Variants in SUGT1 observed in about 807,000 individuals in gnomAD.
SUGT1 encodes protein SGT1 homolog.
Under a neutral mutation model 56.1 loss-of-function variants are expected in SUGT1, and 15 were observed. The ratio of observed to expected loss-of-function variants is 0.27; its 90% confidence interval spans 0.18 to 0.41. The LOEUF (loss-of-function observed/expected upper bound fraction) is 0.41. SUGT1 is among the 10% of genes least tolerant of loss of function. The pLI, the probability that SUGT1 is intolerant of heterozygous loss-of-function variation, is 1.00. For missense variants in SUGT1, 347 were observed against 382.2 expected (o/e 0.91, Z 0.77); for synonymous variants, 123 against 128.6 (o/e 0.96, Z 0.30).
In SUGT1 at chr13:52,689,747, T is replaced by A. The variant is rs951993078; in HGVS notation, c.*1912T>A. On this transcript the variant is annotated 3_prime_UTR_variant, in exon 13 of 13. Transcript: ENST00000310528. ...ATTTTGGGAGGCGGAGGTGGGCAGATCACCTGAGGTCAGGAGTTCAAGACC... is the reference window on the plus strand; with the variant it reads ...ATTTTGGGAGGCGGAGGTGGGCAGAACACCTGAGGTCAGGAGTTCAAGACC... 2 of 152,206 alleles carry A rather than the reference T, an allele frequency of 1.3e-5. No homozygotes were observed. The highest frequency in any genetic ancestry group is 4.8e-5 in the African/African-American group (2 of 41,428). 9.4% of individuals were successfully genotyped at this position (152,206 alleles called of 1,614,324 possible).
At chr13:52,667,036 A>G in intron 10 of SUGT1, 117 bp downstream of exon 10, 2 of 639,520 alleles carry the variant, frequency 3.1e-6, no homozygotes, top group South Asian at 4.6e-5. Flanking sequence ...TAACAGGGAC[A>G]AGAAAATAAG....
rs1470656814 is a variant in SUGT1 at position 52,657,602 on chromosome 13, T to C, written c.167T>C (p.Ile56Thr). The C allele has an allele frequency of 6.2e-7, 1 of 1,613,542 alleles. No individual in the cohort carries two copies. The highest frequency in any genetic ancestry group is 1.3e-5 in the African/African-American group (1 of 74,912). ...QYYCQRAYCHILLGNYCVAVA... is the reference protein window; with the variant it reads ...QYYCQRAYCHTLLGNYCVAVA... ...TATTGTCAAAGAGCTTATTGTCACATTCTTCTTGGGAATTACTGTGGTAAC... is the reference window on the plus strand; with the variant it reads ...TATTGTCAAAGAGCTTATTGTCACACTCTTCTTGGGAATTACTGTGGTAAC... The change falls in exon 3 of 13, where the codon ATT (isoleucine) becomes ACT (threonine). Residue 56 changes from isoleucine to threonine, a missense_variant. Coordinates refer to ENST00000310528, the MANE Select transcript of SUGT1 (RefSeq NM_006704.5).
intron 10 of SUGT1, among the ~76,000 whole-genome samples, chr13:52,667,927 G>A (rs904690180): frequency 6.6e-6 from 1 of 151,844 alleles, no homozygotes; most frequent in African/African-American, 2.4e-5. Context: ...TATGATAAAT[G>A]AGTTAATGGG....
chr13:52,654,352 A>G lies in SUGT1; in HGVS notation c.96+1249A>G, dbSNP rs575410333. ...CATTTGTTATTGTCGTGTTAGACCT[A>G]GTGCTTCCTTTGGGAATCCAGTTTA... is the stretch of plus-strand genomic sequence containing the variant. On this transcript the variant is annotated intron_variant, in intron 2 of 12. Coordinates refer to ENST00000310528, the MANE Select transcript of SUGT1 (RefSeq NM_006704.5). Among the ~76,000 whole-genome samples the G allele has an allele frequency of 3.9e-4, 59 of 152,342 alleles. No individual in the cohort carries two copies. The South Asian group carries it at 0.012, about 30-fold the overall frequency.
chr13:52,685,260 T>C (rs142912912), intron 12 of SUGT1, among the ~76,000 whole-genome samples: 50 of 1,518 alleles, frequency 0.033, 1 homozygote, highest in Admixed American at 0.21. Flanking sequence ...CTTCTTCTTT[T>C]TTTTTTTTTT....
chr13:52,662,520 C>T (rs1361516136), intron 5 of SUGT1, 129 bp from the exon 6 acceptor site: 13 of 726,596 alleles, frequency 1.8e-5, no homozygotes, highest in Non-Finnish European at 2.8e-5. Flanking sequence ...TCTGTTAAGA[C>T]AGGTTTTGTT....
rs1333566816 is a variant in SUGT1 at position 52,692,070 on chromosome 13, A to G, written c.*4235A>G. On this transcript the variant is annotated 3_prime_UTR_variant, in exon 13 of 13. Transcript: ENST00000310528. ...AATCAGCTAAAATCATATACAATGA[A>G]TGCTGACTCATTACTGCAAATAGTG... 1 of 152,214 alleles carries G rather than the reference A, an allele frequency of 6.6e-6. No individual in the cohort carries two copies. The allele number at this position is 152,214 out of a possible 1,614,324, so 9.4% of individuals were successfully genotyped here.
chr13:52,661,856 A>C (rs1447440772), intron 5 of SUGT1, among the ~76,000 whole-genome samples: 2 of 152,108 alleles, frequency 1.3e-5, no homozygotes, highest in African/African-American at 4.8e-5. Flanking sequence ...GTAAAGTAGA[A>C]ATTTTTGTTA....
At chr13:52,664,722 G>A (rs1409031252) in intron 8 of SUGT1, among the ~76,000 whole-genome samples, 1 of 152,188 alleles carries the variant, frequency 6.6e-6, no homozygotes, top group Non-Finnish European at 1.5e-5. Context: ...TAGTTGTGGG[G>A]AGATACAGGA....
chr13:52,676,298 T>G lies in SUGT1; in HGVS notation c.696T>G (p.Pro232=). The change falls in exon 11 of 13, where the codon CCT becomes CCG. Residue 232 remains proline, a synonymous_variant. Coordinates refer to ENST00000310528, the MANE Select transcript of SUGT1 (RefSeq NM_006704.5). ...AGCTAGAGGGGCAAGGAGATGTGCC[T>G]ACGCCAAAACAATTCGTAGCAGGTT... is the stretch of plus-strand genomic sequence containing the variant. ...WEKLEGQGDV[P]TPKQFVADVK... The G allele has an allele frequency of 6.2e-7, 1 of 1,613,016 alleles. No homozygotes were observed. Among genetic ancestry groups the G allele is most frequent in the South Asian group, 1.1e-5 (1 of 90,826 alleles).
chr13:52,674,726 A>C (rs1013941491), intron 10 of SUGT1, among the ~76,000 whole-genome samples: 2 of 152,222 alleles, frequency 1.3e-5, no homozygotes, highest in Admixed American at 6.5e-5. Flanking sequence ...AAACATGAGA[A>C]TATAAAATTC....
At chr13:52,685,825 C>T (rs1427862035) in intron 12 of SUGT1, among the ~76,000 whole-genome samples, 1 of 152,162 alleles carries the variant, frequency 6.6e-6, no homozygotes, top group Non-Finnish European at 1.5e-5. Flanking sequence ...AATTGCCCTG[C>T]AGTCTATTAG....
chr13:52,696,403 TATAGG>T lies in SUGT1; in HGVS notation c.*8569_*8573del, dbSNP rs1484082159. ...ATGACACCTTCATGGTGTCACATGT[TATAGG>T]GTTAGTTGCGGCTGTGTCTGTTTTA... On this transcript the variant is annotated 3_prime_UTR_variant, in exon 13 of 13. Coordinates refer to ENST00000310528, the MANE Select transcript of SUGT1 (RefSeq NM_006704.5). 6.6e-6 allele frequency: 1 copy of T among 152,132 alleles called. No individual in the cohort carries two copies. The highest frequency in any genetic ancestry group is 2.4e-5 in the African/African-American group (1 of 41,436). The allele number at this position is 152,132 out of a possible 1,614,324, so 9.4% of individuals were successfully genotyped here.
At chr13:52,659,815 T>TATATATATATATATATA (rs57747988) in intron 5 of SUGT1, among the ~76,000 whole-genome samples, 5 of 25,262 alleles carry the variant, frequency 2.0e-4, no homozygotes, top group African/African-American at 1.4e-3. Flanking sequence ...TATATATATA[T>TATATATATATATATATA]TTTTTTTTTT....
In SUGT1 at chr13:52,680,076, A is replaced by G. The variant is rs748823408; in HGVS notation, c.821A>G (p.Asp274Gly). Residue 274 changes from aspartate to glycine, a missense_variant, in exon 12 of 13, where the codon GAT becomes GGT. Asp to Gly is a moderately conservative substitution (Grantham distance 94, BLOSUM62 -1). Transcript: ENST00000310528. The stretch of plus-strand genomic sequence containing the variant: ...GAAAAGAATGAAAAGTTGGAGGGAG[A>G]TGCAGCTTTAAACAGATTATTTCAG... ...EEEKNEKLEG[D>G]AALNRLFQQI... 1 of 1,596,856 alleles carries G rather than the reference A, an allele frequency of 6.3e-7. No homozygotes were observed. Among genetic ancestry groups the G allele is most frequent in the Non-Finnish European group, 8.5e-7 (1 of 1,175,538 alleles).
At chr13:52,679,867 C>A in intron 11 of SUGT1, 107 bp from the exon 12 acceptor site, 2 of 1,123,008 alleles carry the variant, frequency 1.8e-6, no homozygotes, top group Admixed American at 3.4e-5. Context: ...ATTCAGTAAC[C>A]TAAACTGTTT....
intron 10 of SUGT1, among the ~76,000 whole-genome samples, chr13:52,673,746 C>G (rs2138148762): frequency 6.6e-6 from 1 of 152,300 alleles, no homozygotes; most frequent in African/African-American, 2.4e-5. Context: ...GTACACAGTA[C>G]TTTCCAGGCC....
chr13:52,694,839 C>T lies in SUGT1; in HGVS notation c.*7004C>T, dbSNP rs1437149765. ...AAGTAGCTGGGACTACAGGCGTCCG[C>T]CACCATGCCCGGCTAATTTTTTGTA... On this transcript the variant is annotated 3_prime_UTR_variant, in exon 13 of 13. Coordinates refer to ENST00000310528, the MANE Select transcript of SUGT1 (RefSeq NM_006704.5). 3 of 152,298 alleles carry T rather than the reference C, an allele frequency of 2.0e-5. No individual in the cohort carries two copies. The highest frequency in any genetic ancestry group is 7.2e-5 in the African/African-American group (3 of 41,458). 9.4% of individuals were successfully genotyped at this position (152,298 alleles called of 1,614,324 possible). A position where few individuals can be genotyped will look rare whatever the true frequency, so the allele number is the denominator to read the frequency against.
intron 2 of SUGT1, 90 bp downstream of exon 2, chr13:52,653,193 C>G (rs1961994514): frequency 1.3e-6 from 2 of 1,488,666 alleles, no homozygotes; most frequent in Non-Finnish European, 1.9e-6. Flanking sequence ...CCCGCACCGC[C>G]GGACAGGGAC....
Sources: allele counts gnomAD v4.1 joint callset (sites outside exome capture counted in the v4.1 genomes callset), GRCh38; gene constraint gnomAD v4.1.1; transcripts MANE v1.5; gene names NCBI Gene and HGNC (gene_info 2026-07-23, HGNC 2026-07-21).